The following MIDEAS variants were observed in gnomAD, a reference collection of about 807,000 sequenced individuals.
MIDEAS encodes mitotic deacetylase associated SANT domain protein.
A neutral mutation model predicts 102.7 loss-of-function variants in MIDEAS; 26 were observed. The observed-to-expected ratio is 0.25, with a 90% CI of 0.19 to 0.35. The LOEUF (loss-of-function observed/expected upper bound fraction) is 0.35. Among genes scored for constraint, MIDEAS ranks in the 10% least tolerant of loss-of-function variants. The probability of loss-of-function intolerance (pLI) is 1.00; values close to 1 mark genes in which losing one functional copy is unlikely to be tolerated. For synonymous variants in MIDEAS, 585 were observed against 591.0 expected (o/e 0.99, Z 0.15); for missense variants, 1,231 against 1,435.6 (o/e 0.86, Z 2.30).
In MIDEAS at chr14:73,722,605, G is replaced by A. The variant is rs578027576; in HGVS notation, c.2724+93C>T. Reference sequence around the variant, plus strand: ...TGTCTTCCTCAACCTGCCCTCTGCAGGCTCCTGGAGAGCTCGGGCTCGGGC... The same window carrying A: ...TGTCTTCCTCAACCTGCCCTCTGCAAGCTCCTGGAGAGCTCGGGCTCGGGC... On this transcript the variant is annotated intron_variant, in intron 10 of 12. Coordinates refer to ENST00000423556, the MANE Select transcript of MIDEAS (RefSeq NM_001367710.1). 34 of 1,482,774 alleles carry A rather than the reference G, an allele frequency of 2.3e-5. No homozygotes were observed. The African/African-American group carries it at 3.6e-4, about 16-fold the overall frequency. 91.9% of individuals were successfully genotyped at this position (1,482,774 alleles called of 1,614,324 possible).
chr14:73,731,912 TAAAC>T (rs1206919625), intron 3 of MIDEAS, among the ~76,000 whole-genome samples: 1 of 152,168 alleles, frequency 6.6e-6, no homozygotes, highest in Admixed American at 6.5e-5. Context: ...ATGAATGAAA[TAAAC>T]AAATAACAAA....
chr14:73,721,387 G>C lies in MIDEAS; in HGVS notation c.2847C>G (p.Ile949Met), dbSNP rs371324179. 7 of 1,613,826 alleles carry C rather than the reference G, an allele frequency of 4.3e-6. No homozygotes were observed. In the African/African-American group the frequency reaches 9.4e-5, roughly 22 times the overall value. ...CCTCTTCCTGCTCCTCCTTCTCTTGGATCTCTGGCACCTCCTCCTCCCCCT... is the reference window on the plus strand; with the variant it reads ...CCTCTTCCTGCTCCTCCTTCTCTTGCATCTCTGGCACCTCCTCCTCCCCCT... The part of the protein sequence containing the change: ...RKEGEEEVPE[I>M]QEKEEQEEGR... The change falls in exon 11 of 13, where the codon ATC (isoleucine) becomes ATG (methionine). Residue 949 changes from isoleucine to methionine, a missense_variant. By Grantham distance (10) the Ile-to-Met change is conservative. This residue lies in a region of MIDEAS where 391 missense variants were observed against 483.0 expected (regional missense o/e 0.81). Transcript: ENST00000423556.
chr14:73,722,067 A>C, intron 10 of MIDEAS, among the ~76,000 whole-genome samples: 2 of 152,184 alleles, frequency 1.3e-5, no homozygotes, highest in East Asian at 3.8e-4. Context: ...GGTTGCTGCT[A>C]ATGTGTCTTT....
At chr14:73,756,254 G>A (rs972592176) in intron 1 of MIDEAS, among the ~76,000 whole-genome samples, 14 of 149,564 alleles carry the variant, frequency 9.4e-5, no homozygotes, top group Admixed American at 4.0e-4. Flanking sequence ...GTGTGACTGC[G>A]AGAGCCCATG....
At position 73,717,291 on chromosome 14, in the gene MIDEAS, GA is replaced by G. The variant is rs2140087330; in HGVS notation, c.*1551del. 6.6e-6 allele frequency: 1 copy of G among 152,328 alleles called. No homozygotes were observed. The highest frequency in any genetic ancestry group is 1.5e-5 in the Non-Finnish European group (1 of 68,028). The allele number at this position is 152,328 out of a possible 1,614,324, so 9.4% of individuals were successfully genotyped here. A position where few individuals can be genotyped will look rare whatever the true frequency, so the allele number is the denominator to read the frequency against. ...GCACAACTAAAGTTGAATAAGATCA[GA>G]AAAATAGCTGAGCCCCGCTATGGGA... On this transcript the variant is annotated 3_prime_UTR_variant, in exon 13 of 13. Coordinates refer to ENST00000423556, the MANE Select transcript of MIDEAS (RefSeq NM_001367710.1).
At chr14:73,727,320 A>G (rs1219206866) in intron 5 of MIDEAS, 138 bp downstream of exon 5, 13 of 892,710 alleles carry the variant, frequency 1.5e-5, no homozygotes, top group Non-Finnish European at 2.3e-5. Context: ...GCCCAGGGCC[A>G]CATACAGAAG....
chr14:73,756,867 T>C (rs1393674715), intron 1 of MIDEAS, among the ~76,000 whole-genome samples: 2 of 152,176 alleles, frequency 1.3e-5, no homozygotes, highest in African/African-American at 4.8e-5. Context: ...ACTGACATTT[T>C]TGAAACCAGT....
At chr14:73,727,373 C>T (rs2053076301) in intron 5 of MIDEAS, 85 bp downstream of exon 5, 1 of 1,434,238 alleles carries the variant, frequency 7.0e-7, no homozygotes, top group Non-Finnish European at 9.8e-7. Context: ...CCACGGAACC[C>T]TCCTGTTGCT....
intron 1 of MIDEAS, among the ~76,000 whole-genome samples, chr14:73,743,597 C>T (rs923141302): frequency 6.6e-6 from 1 of 152,158 alleles, no homozygotes; most frequent in Admixed American, 6.5e-5. Flanking sequence ...ACCCCACCCC[C>T]GCTGCCCTGT....
chr14:73,747,339 A>G (rs1378972200), intron 1 of MIDEAS, among the ~76,000 whole-genome samples: 1 of 152,180 alleles, frequency 6.6e-6, no homozygotes, highest in East Asian at 1.9e-4. Flanking sequence ...TGAGGAGCTT[A>G]AGAGCCTGGG....
intron 3 of MIDEAS, chr14:73,730,239 C>G: frequency 1.5e-6 from 1 of 658,762 alleles, no homozygotes; most frequent in Non-Finnish European, 2.8e-6. Flanking sequence ...ATCTCTGTTA[C>G]ATATTCCTCT....
At position 73,727,596 on chromosome 14, in the gene MIDEAS, C is replaced by T. The variant is rs1445922663; in HGVS notation, c.2096-72G>A. On this transcript the variant is annotated intron_variant, in intron 4 of 12. Transcript: ENST00000423556. The stretch of plus-strand genomic sequence containing the variant: ...AAGCACCCCCAATCCTAGTGGCTGC[C>T]CTGTATGTGCAAGAGTCACAGTGGT... The T allele has an allele frequency of 5.7e-6, 8 of 1,406,762 alleles. No homozygotes were observed. The East Asian group carries it at 7.4e-5, about 13-fold the overall frequency. The allele number at this position is 1,406,762 out of a possible 1,614,324, so 87.1% of individuals were successfully genotyped here.
intron 3 of MIDEAS, among the ~76,000 whole-genome samples, chr14:73,730,455 C>A (rs2053123849): frequency 6.6e-6 from 1 of 152,198 alleles, no homozygotes; most frequent in Non-Finnish European, 1.5e-5. Context: ...ATTACTCAAT[C>A]TTTCCGTGCA....
intron 7 of MIDEAS, 83 bp from the exon 8 acceptor site, chr14:73,726,191 C>A: frequency 8.8e-7 from 1 of 1,130,750 alleles, no homozygotes; most frequent in Non-Finnish European, 1.3e-6. Flanking sequence ...GATAAAATCC[C>A]GAGTAGGGTG....
In MIDEAS at chr14:73,722,903, G is replaced by A. The variant is rs115839993; in HGVS notation, c.2575-56C>T. ...CCTCTGGTTTGGCTCATCTGCCTGT[G>A]GAGAATCCAGCCTTTCTCGTCCCTG... is the stretch of plus-strand genomic sequence containing the variant. On this transcript the variant is annotated intron_variant, in intron 9 of 12. Coordinates refer to ENST00000423556, the MANE Select transcript of MIDEAS (RefSeq NM_001367710.1). 1.2e-4 allele frequency: 197 copies of A among 1,587,212 alleles called. No individual in the cohort carries two copies. The African/African-American group carries it at 2.5e-3, about 20-fold the overall frequency.
At position 73,718,622 on chromosome 14, in the gene MIDEAS, C is replaced by A. The variant is rs2052930118; in HGVS notation, c.*221G>T. 2.4e-6 allele frequency: 1 copy of A among 423,698 alleles called. No individual in the cohort carries two copies. The highest frequency in any genetic ancestry group is 4.0e-6 in the Non-Finnish European group (1 of 251,548). The allele number at this position is 423,698 out of a possible 1,614,324, so 26.2% of individuals were successfully genotyped here. Reference sequence around the variant, plus strand: ...AGGAAAGCACGAGGACAGCTTCCGACAGACCAAATGCAAAGAGAGCTGGAT... The same window carrying A: ...AGGAAAGCACGAGGACAGCTTCCGAAAGACCAAATGCAAAGAGAGCTGGAT... On this transcript the variant is annotated 3_prime_UTR_variant, in exon 13 of 13. Coordinates refer to ENST00000423556, the MANE Select transcript of MIDEAS (RefSeq NM_001367710.1).
At chr14:73,760,307 T>C (rs1410262426), upstream of MIDEAS, 1 of 152,118 alleles carries the variant, frequency 6.6e-6, no homozygotes, top group Non-Finnish European at 1.5e-5. This position sits in a 1 kb window ranked among gnomAD's most constrained non-coding sequence, Gnocchi z 4.8. Flanking sequence ...TCAGCACAAC[T>C]GTCTCGGGGC....
intron 1 of MIDEAS, among the ~76,000 whole-genome samples, chr14:73,778,430 A>G (rs1251025258): frequency 3.3e-5 from 5 of 151,146 alleles, no homozygotes; most frequent in Admixed American, 6.6e-5. Flanking sequence ...CTTTTCCTCC[A>G]TAACTGGAGA....
At chr14:73,763,497 A>C (rs1264257799), upstream of MIDEAS, among the ~76,000 whole-genome samples, 1 of 152,202 alleles carries the variant, frequency 6.6e-6, no homozygotes, top group African/African-American at 2.4e-5. Flanking sequence ...TATTTAAAAG[A>C]GAAGTGTCTT....
Sources: allele counts gnomAD v4.1 joint callset (sites outside exome capture counted in the v4.1 genomes callset), GRCh38; gene constraint gnomAD v4.1.1; regional missense constraint gnomAD v4.1.1; non-coding constraint Gnocchi (gnomAD v3.1); transcripts MANE v1.5; gene names NCBI Gene and HGNC (gene_info 2026-07-23, HGNC 2026-07-21).